The following RNF10 variants were observed in gnomAD, a reference collection of about 807,000 sequenced individuals.
RNF10 encodes the protein E3 ubiquitin-protein ligase RNF10.
In RNF10, 38 loss-of-function variants were observed where a neutral mutation model predicts 91.4. The observed-to-expected ratio is 0.42, with a 90% confidence interval of 0.32 to 0.54. The LOEUF (loss-of-function observed/expected upper bound fraction) is 0.54. Ranked by LOEUF, RNF10 falls within the 20% of genes least tolerant of loss-of-function variation. RNF10 has a pLI of 0.16. For synonymous variants in RNF10, 364 were observed against 366.3 expected (o/e 0.99, Z 0.07); for missense variants, 945 against 1,012.0 (o/e 0.93, Z 0.90).
At chr12:120,568,842 G>T (rs1876169878) in intron 13 of RNF10, among the ~76,000 whole-genome samples, 1 of 152,046 alleles carries the variant, frequency 6.6e-6, no homozygotes, top group Non-Finnish European at 1.5e-5. Context: ...CTGCAGTCTT[G>T]AACTCCTGGG....
Position 120,563,270 on chromosome 12 carries a change from C to T in RNF10, c.1255-77C>T, listed in dbSNP as rs889833259. ...AGATAAACATCTAGGGAGCTTGGCT[C>T]TTAGGTCTGCATTTGCCACATTGCT... On this transcript the variant is annotated intron_variant, in intron 8 of 16. Coordinates refer to ENST00000325954, the MANE Select transcript of RNF10 (RefSeq NM_014868.5). The T allele has an allele frequency of 1.9e-4, 291 of 1,533,688 alleles. 1 individual carries two copies. The highest frequency in any genetic ancestry group is 4.9e-5 in the Non-Finnish European group (56 of 1,136,212).
intron 2 of RNF10, among the ~76,000 whole-genome samples, chr12:120,549,938 G>C (rs1217333623): frequency 2.0e-5 from 3 of 152,122 alleles, no homozygotes; most frequent in Non-Finnish European, 4.4e-5. Flanking sequence ...ACTAAACCTG[G>C]GGAAGGAGTG....
At chr12:120,543,651 T>C (rs1267045547) in intron 1 of RNF10, among the ~76,000 whole-genome samples, 1 of 151,926 alleles carries the variant, frequency 6.6e-6, no homozygotes, top group African/African-American at 2.4e-5. Flanking sequence ...AAAATATAAA[T>C]TAAGCCAAGA....
rs200541332 is a variant in RNF10 at position 120,546,392 on chromosome 12, T to C, written c.158-13T>C. On this transcript the variant is annotated splice_polypyrimidine_tract_variant and intron_variant, in intron 1 of 16. Coordinates refer to ENST00000325954, the MANE Select transcript of RNF10 (RefSeq NM_014868.5). ...AGCTTCTTAAGACGTTCTTTTGTGT[T>C]TCTTGCTTTCAGATGGAAAGAACTC... The C allele has an allele frequency of 2.9e-5, 46 of 1,601,874 alleles. No individual in the cohort carries two copies. Among genetic ancestry groups the C allele is most frequent in the Non-Finnish European group, 3.7e-5 (43 of 1,174,746 alleles).
rs747489482 is a variant in RNF10 at position 120,571,195 on chromosome 12, TC to T, written c.2047del (p.Leu683CysfsTer2). The stretch of plus-strand genomic sequence containing the variant: ...AGGTCTCTGGTTCCCTTTCAGACTT[TC>T]TGCTGACCCCTCTGTCACCCACTGC... ...SRSPGSHADF[L>X]LTPLSPTASQ... On this transcript the variant is annotated frameshift_variant, in exon 14 of 17. Transcript: ENST00000325954. LOFTEE classifies it high-confidence loss of function. The T allele has an allele frequency of 6.2e-7, 1 of 1,613,094 alleles. No individual in the cohort carries two copies. Among genetic ancestry groups the T allele is most frequent in the Admixed American group, 1.7e-5 (1 of 60,010 alleles).
chr12:120,551,454 C>T (rs553564496), intron 2 of RNF10, among the ~76,000 whole-genome samples: 1 of 151,510 alleles, frequency 6.6e-6, no homozygotes, highest in South Asian at 2.1e-4. Flanking sequence ...GCCACTGCAC[C>T]CGGCTAGTTT....
chr12:120,553,050 T>G (rs1253007615), intron 3 of RNF10, among the ~76,000 whole-genome samples: 4 of 4,394 alleles, frequency 9.1e-4, no homozygotes, highest in Non-Finnish European at 1.9e-3. Flanking sequence ...TTTTTTTTTT[T>G]TTTTTTTTTT....
intron 1 of RNF10, among the ~76,000 whole-genome samples, chr12:120,540,854 CT>C (rs34034209): frequency 0.45 from 61,932 of 136,970 alleles, 13,532 homozygotes; most frequent in Middle Eastern, 0.59. Context: ...AGTTTACTTT[CT>C]TTTTTTTTTT....
chr12:120,576,088 AAAT>A lies in RNF10; in HGVS notation c.2359+143_2359+145del, dbSNP rs1294572134. 3.5e-6 allele frequency: 3 copies of A among 857,302 alleles called. No homozygotes were observed. In the African/African-American group the frequency reaches 5.1e-5, roughly 14 times the overall value. The allele number at this position is 857,302 out of a possible 1,614,324, so 53.1% of individuals were successfully genotyped here. A position where few individuals can be genotyped will look rare whatever the true frequency, so the allele number is the denominator to read the frequency against. On this transcript the variant is annotated intron_variant, in intron 16 of 16. Coordinates refer to ENST00000325954, the MANE Select transcript of RNF10 (RefSeq NM_014868.5). ...CCTTCAGCACACTCTAGTGTCATTT[AAAT>A]AATACTCCATTTGGTATGTCAGATA...
At position 120,577,383 on chromosome 12, in the gene RNF10, TAGG is replaced by T. The variant is rs1304582442; in HGVS notation, c.*726_*728del. On this transcript the variant is annotated 3_prime_UTR_variant, in exon 17 of 17. Coordinates refer to ENST00000325954, the MANE Select transcript of RNF10 (RefSeq NM_014868.5). ...TGTTTTCAGTGACTGGCTTGAGTCA[TAGG>T]AGGAGGAGTCTGGTACAGCTGCAGG... 1.8e-5 allele frequency: 6 copies of T among 340,596 alleles called. No homozygotes were observed. The highest frequency in any genetic ancestry group is 6.7e-5 in the African/African-American group (3 of 45,068). 21.1% of individuals were successfully genotyped at this position (340,596 alleles called of 1,614,324 possible).
chr12:120,557,594 G>C lies in RNF10; in HGVS notation c.879G>C (p.Thr293=), dbSNP rs546644105. 1.0e-4 allele frequency: 164 copies of C among 1,614,154 alleles called. No homozygotes were observed. In the Admixed American group the frequency reaches 2.7e-3, roughly 26 times the overall value. ...SHQYVVGDTI[T]MQLMKREKGV... is the part of the protein sequence containing the mutation. Reference sequence around the variant, plus strand: ...AGTATGTTGTTGGTGATACCATTACGATGCAGCTGATGAAGAGGGAGAAAG... The same window carrying C: ...AGTATGTTGTTGGTGATACCATTACCATGCAGCTGATGAAGAGGGAGAAAG... The change falls in exon 6 of 17, where the codon ACG becomes ACC. Residue 293 remains threonine, a synonymous_variant. Transcript: ENST00000325954.
At chr12:120,574,335 C>G (rs376837117) in intron 14 of RNF10, 2 of 409,670 alleles carry the variant, frequency 4.9e-6, no homozygotes, top group Admixed American at 5.5e-5. Context: ...ATAAAATGTT[C>G]TCTGCCTTTT....
At chr12:120,557,963 C>G (rs1482012175) in intron 6 of RNF10, among the ~76,000 whole-genome samples, 1 of 152,134 alleles carries the variant, frequency 6.6e-6, no homozygotes, top group Non-Finnish European at 1.5e-5. Flanking sequence ...GTCAGCCAGT[C>G]TTGGTGCCTG....
intron 16 of RNF10, among the ~76,000 whole-genome samples, chr12:120,576,322 G>A (rs1877388442): frequency 6.6e-6 from 1 of 152,206 alleles, no homozygotes; most frequent in Admixed American, 6.5e-5. Flanking sequence ...GGCGTGCTAT[G>A]TGCCTAGCAC....
rs370089454 is a variant in RNF10 at position 120,546,395 on chromosome 12, T to C, written c.158-10T>C. ...TTCTTAAGACGTTCTTTTGTGTTTCTTGCTTTCAGATGGAAAGAACTCCAG... is the reference window on the plus strand; with the variant it reads ...TTCTTAAGACGTTCTTTTGTGTTTCCTGCTTTCAGATGGAAAGAACTCCAG... On this transcript the variant is annotated splice_polypyrimidine_tract_variant and intron_variant, in intron 1 of 16. Transcript: ENST00000325954. The C allele has an allele frequency of 6.2e-7, 1 of 1,602,478 alleles. No homozygotes were observed. Among genetic ancestry groups the C allele is most frequent in the African/African-American group, 1.3e-5 (1 of 74,082 alleles).
intron 10 of RNF10, among the ~76,000 whole-genome samples, chr12:120,564,210 A>G (rs1274466676): frequency 6.6e-6 from 1 of 152,180 alleles, no homozygotes; most frequent in South Asian, 2.1e-4. Context: ...TTTATTTAAG[A>G]TGGAGTTTAT....
intron 1 of RNF10, among the ~76,000 whole-genome samples, chr12:120,538,822 G>A (rs11065155): frequency 0.092 from 13,936 of 152,182 alleles, 1,071 homozygotes; most frequent in East Asian, 0.38. Flanking sequence ...GCACTGCCCT[G>A]GCATTCTTCC....
At position 120,557,536 on chromosome 12, in the gene RNF10, C is replaced by T. The variant is rs761583876; in HGVS notation, c.831-10C>T. 6.2e-7 allele frequency: 1 copy of T among 1,614,112 alleles called. No homozygotes were observed. Among genetic ancestry groups the T allele is most frequent in the East Asian group, 2.2e-5 (1 of 44,894 alleles). ...CCTTGCCCTGCTACATATGAGTGTC[C>T]ATGTTTCAGTGTTGTTGCCACAGAG... is the stretch of plus-strand genomic sequence containing the variant. On this transcript the variant is annotated splice_polypyrimidine_tract_variant and intron_variant, in intron 5 of 16. Coordinates refer to ENST00000325954, the MANE Select transcript of RNF10 (RefSeq NM_014868.5).
At chr12:120,576,075 T>G (rs1012620719) in intron 16 of RNF10, 125 bp downstream of exon 16, 3 of 943,674 alleles carry the variant, frequency 3.2e-6, no homozygotes, top group Non-Finnish European at 4.9e-6. Context: ...TTCAGCACAC[T>G]CTAGTGTCAT....
Sources: gnomAD v4.1 joint callset for allele counts (sites outside exome capture counted in the v4.1 genomes callset) on GRCh38, gnomAD v4.1.1 for gene constraint, MANE v1.5 for transcripts, NCBI Gene and HGNC (gene_info 2026-07-23, HGNC 2026-07-21) for gene names.